DCP1B: variants seen among roughly 807,000 people sequenced by gnomAD.
DCP1B encodes mRNA-decapping enzyme 1B.
DCP1B carries 47 observed loss-of-function variants against 60.5 expected under a neutral mutation model. The observed-to-expected ratio is 0.78, with a 90% CI of 0.61 to 0.99. The LOEUF (loss-of-function observed/expected upper bound fraction) is 0.99. Ranked by LOEUF, DCP1B falls within the 50% of genes least tolerant of loss-of-function variation. The probability of loss-of-function intolerance (pLI) is 0.00; values close to 1 mark genes in which losing one functional copy is unlikely to be tolerated. For missense variants in DCP1B, 725 were observed against 756.8 expected, an observed-to-expected ratio of 0.96 and a Z score of 0.49; for synonymous variants, 267 against 280.3, an observed-to-expected ratio of 0.95 and a Z score of 0.47.
intron 5 of DCP1B, among the ~76,000 whole-genome samples, chr12:1,958,203 CTGGG>C (rs2030966491): frequency 6.9e-6 from 1 of 145,380 alleles, no homozygotes; most frequent in Non-Finnish European, 1.5e-5. Flanking sequence ...TAACGTTGCT[CTGGG>C]CAATGACTTT....
At chr12:1,994,916 C>G (rs557723528) in intron 2 of DCP1B, among the ~76,000 whole-genome samples, 2 of 124,184 alleles carry the variant, frequency 1.6e-5, no homozygotes, top group Non-Finnish European at 3.3e-5. Context: ...TCCCACCCCC[C>G]ACCCACCATG....
rs2031161848 is a variant in DCP1B, at chr12:1,962,529, T to A, written c.522+3029A>T. Among the ~76,000 whole-genome samples the A allele has an allele frequency of 6.6e-6, 1 of 152,206 alleles. No homozygotes were observed. The highest frequency in any genetic ancestry group is 2.4e-5 in the African/African-American group (1 of 41,458). The stretch of plus-strand genomic sequence containing the variant: ...ACACTGTCTTCACAGAACATTAAGT[T>A]CCTGGAGGGCAGAAATGTCACCTTT... On this transcript the variant is annotated intron_variant, in intron 5 of 8. Transcript: ENST00000280665. This position sits in a 1 kb window ranked among gnomAD's most constrained non-coding sequence, Gnocchi z 4.4.
intron 7 of DCP1B, chr12:1,950,482 A>G (rs1468393080): frequency 1.4e-6 from 1 of 695,118 alleles, no homozygotes; most frequent in Non-Finnish European, 2.6e-6. Flanking sequence ...ACATTTTTAA[A>G]AAAGGGACAA....
intron 7 of DCP1B, 29 bp from the exon 8 acceptor site, chr12:1,949,363 G>A (rs542375141): frequency 6.8e-6 from 11 of 1,607,260 alleles, no homozygotes; most frequent in South Asian, 1.1e-5. Context: ...CACAGAGAGC[G>A]GGGTTCAGGA....
At chr12:1,977,843 T>A (rs900207451) in intron 3 of DCP1B, among the ~76,000 whole-genome samples, 7 of 152,250 alleles carry the variant, frequency 4.6e-5, no homozygotes, top group African/African-American at 1.4e-4. Flanking sequence ...ACTATGGGTA[T>A]ATACAGGTAC....
At chr12:1,949,048 C>T (rs368028506) in intron 8 of DCP1B, 38 bp downstream of exon 8, 28 of 1,595,754 alleles carry the variant, frequency 1.8e-5, no homozygotes, top group African/African-American at 5.4e-5. Context: ...GGCCAACAGG[C>T]GTGGTCAGGT....
At chr12:1,986,339 C>T (rs2037773906) in intron 3 of DCP1B, among the ~76,000 whole-genome samples, 1 of 152,208 alleles carries the variant, frequency 6.6e-6, no homozygotes, top group Non-Finnish European at 1.5e-5. Context: ...CACTCGCCAG[C>T]TGTCAGGGGC....
intron 2 of DCP1B, among the ~76,000 whole-genome samples, chr12:1,993,901 G>GC (rs1454323418): frequency 2.6e-5 from 4 of 152,154 alleles, no homozygotes; most frequent in Non-Finnish European, 5.9e-5. Context: ...GTGATATGAA[G>GC]CAACTCTGAA....
In DCP1B at chr12:1,980,460, C is replaced by T. The variant is rs1160854389; in HGVS notation, c.320-12550G>A. ...GTTGTTAATTTCTAAGTGTTATTTA[C>T]ATATTCTCAATATAGTGCTGAGTCA... On this transcript the variant is annotated intron_variant, in intron 3 of 8. Transcript: ENST00000280665. 2.0e-5 allele frequency among the ~76,000 whole-genome samples: 3 copies of T among 152,014 alleles called. No individual in the cohort carries two copies. In the East Asian group the frequency reaches 5.8e-4, roughly 29 times the overall value.
chr12:1,978,358 C>T (rs184530997), intron 3 of DCP1B, among the ~76,000 whole-genome samples: 4 of 152,114 alleles, frequency 2.6e-5, no homozygotes, highest in Non-Finnish European at 4.4e-5. Context: ...AAAGCCAAGA[C>T]GCAAAGTAAT....
At chr12:1,976,018 T>C (rs1275094033) in intron 3 of DCP1B, among the ~76,000 whole-genome samples, 1 of 152,102 alleles carries the variant, frequency 6.6e-6, no homozygotes, top group African/African-American at 2.4e-5. Flanking sequence ...AAAATAGAAA[T>C]ACGAAATCCA....
chr12:1,965,832 G>C (rs575223607), intron 4 of DCP1B, 139 bp from the exon 5 acceptor site: 23 of 1,138,552 alleles, frequency 2.0e-5, no homozygotes, highest in South Asian at 3.8e-5. Context: ...GAATTTAAAG[G>C]AGAAAAATGA....
chr12:1,951,628 TAC>T (rs1287340786), intron 7 of DCP1B, among the ~76,000 whole-genome samples: 1 of 152,198 alleles, frequency 6.6e-6, no homozygotes, highest in Non-Finnish European at 1.5e-5. Context: ...ATACTGACGA[TAC>T]AGAGAAAGAT....
chr12:1,973,895 T>G (rs575899779), intron 3 of DCP1B, among the ~76,000 whole-genome samples: 17 of 152,346 alleles, frequency 1.1e-4, no homozygotes, highest in Admixed American at 5.9e-4. Flanking sequence ...GAGTCCCTAA[T>G]ACATCTTTTC....
chr12:1,960,989 C>T (rs2031103706), intron 5 of DCP1B, among the ~76,000 whole-genome samples: 1 of 152,172 alleles, frequency 6.6e-6, no homozygotes, highest in South Asian at 2.1e-4. Flanking sequence ...GCAGAGACAA[C>T]ACAATGTAAG....
chr12:1,945,934 TG>T (rs981101834), downstream of DCP1B: 8 of 218,938 alleles, frequency 3.7e-5, no homozygotes, highest in Admixed American at 1.7e-4. Context: ...CTAATGTAGA[TG>T]ATGGGTTGAT....
In DCP1B at chr12:1,953,089, G is replaced by A. The variant is rs769220745; in HGVS notation, c.851C>T (p.Pro284Leu). The change falls in exon 7 of 9, where the codon CCC (proline) becomes CTC (leucine). Residue 284 changes from proline to leucine, a missense_variant. By Grantham distance (98) the Pro-to-Leu change is moderately conservative. Coordinates refer to ENST00000280665, the MANE Select transcript of DCP1B (RefSeq NM_152640.5). ...LSYEEPRRHS[P>L]PIEKQLCPAI... Reference sequence around the variant, plus strand: ...TGGACAGAGCTGCTTCTCAATGGGGGGTGAGTGTCTTCTGGGTTCCTCATA... The same window carrying A: ...TGGACAGAGCTGCTTCTCAATGGGGAGTGAGTGTCTTCTGGGTTCCTCATA... The A allele has an allele frequency of 1.1e-5, 18 of 1,614,068 alleles. No homozygotes were observed. Among genetic ancestry groups the A allele is most frequent in the Non-Finnish European group, 1.5e-5 (18 of 1,179,992 alleles).
rs1389787151 is a variant in DCP1B, at chr12:1,962,205, TGG to T, written c.522+3351_522+3352del. Among the ~76,000 whole-genome samples the T allele has an allele frequency of 6.6e-6, 1 of 152,114 alleles. No individual in the cohort carries two copies. Among genetic ancestry groups the T allele is most frequent in the Non-Finnish European group, 1.5e-5 (1 of 68,034 alleles). The stretch of plus-strand genomic sequence containing the variant: ...TCCCCAGTTGCTGGGTACCTGGCCC[TGG>T]GATGATTAAGGCAGAGGAATATTGT... On this transcript the variant is annotated intron_variant, in intron 5 of 8. Transcript: ENST00000280665. This position sits in a 1 kb window ranked among gnomAD's most constrained non-coding sequence, Gnocchi z 4.4.
intron 5 of DCP1B, among the ~76,000 whole-genome samples, chr12:1,957,870 T>C (rs1056604090): frequency 4.6e-5 from 7 of 152,270 alleles, no homozygotes; most frequent in African/African-American, 1.2e-4. Context: ...CCATATCATA[T>C]ATACTGATAG....
Sources: gnomAD v4.1 joint callset for allele counts (sites outside exome capture counted in the v4.1 genomes callset) on GRCh38, gnomAD v4.1.1 for gene constraint, Gnocchi (gnomAD v3.1) non-coding constraint, MANE v1.5 for transcripts, NCBI Gene and HGNC (gene_info 2026-07-23, HGNC 2026-07-21) for gene names.